The following HMG20A variants were observed in gnomAD, a reference collection of about 807,000 sequenced individuals.
HMG20A encodes the protein high mobility group 20A.
A neutral mutation model predicts 43.9 loss-of-function variants in HMG20A; 17 were observed. That is an observed-to-expected ratio of 0.39 (90% CI 0.27 to 0.58). The LOEUF (loss-of-function observed/expected upper bound fraction) is 0.58. Ranked by LOEUF, HMG20A falls within the 20% of genes least tolerant of loss-of-function variation. HMG20A has a pLI of 0.59. For missense variants in HMG20A, 341 were observed against 438.2 expected, an observed-to-expected ratio of 0.78 and a Z score of 1.98; for synonymous variants, 132 against 147.5, an observed-to-expected ratio of 0.89 and a Z score of 0.76.
rs1805746017 is a variant in HMG20A at position 77,484,096 on chromosome 15, A to G, written c.*1133A>G. 1 of 151,934 alleles carries G rather than the reference A, an allele frequency of 6.6e-6. No individual in the cohort carries two copies. Among genetic ancestry groups the G allele is most frequent in the Admixed American group, 6.6e-5 (1 of 15,246 alleles). 9.4% of individuals were successfully genotyped at this position (151,934 alleles called of 1,614,324 possible). A position where few individuals can be genotyped will look rare whatever the true frequency, so the allele number is the denominator to read the frequency against. ...TTCTTTAACAGCATAAGTAAAGAGGACTTTCTGGTTCATTTTTGTTTGTTT... is the reference window on the plus strand; with the variant it reads ...TTCTTTAACAGCATAAGTAAAGAGGGCTTTCTGGTTCATTTTTGTTTGTTT... On this transcript the variant is annotated 3_prime_UTR_variant, in exon 10 of 10. Transcript: ENST00000336216.
At chr15:77,463,786 G>A (rs536622884) in intron 2 of HMG20A, among the ~76,000 whole-genome samples, 4 of 152,322 alleles carry the variant, frequency 2.6e-5, no homozygotes, top group African/African-American at 7.2e-5. Context: ...GAAATGTACC[G>A]TTAAGAGATT....
intron 1 of HMG20A, among the ~76,000 whole-genome samples, chr15:77,437,245 A>G (rs2073559468): frequency 6.6e-6 from 1 of 152,134 alleles, no homozygotes; most frequent in Admixed American, 6.5e-5. Flanking sequence ...TTCATCTCCA[A>G]CTGTAGTTTT....
chr15:77,462,621 A>C (rs889519378), intron 2 of HMG20A, among the ~76,000 whole-genome samples: 58 of 150,960 alleles, frequency 3.8e-4, no homozygotes, highest in African/African-American at 1.3e-3. Flanking sequence ...ACACACACAC[A>C]CCCTGTTTTT....
At chr15:77,424,284 A>C (rs1388942532) in intron 1 of HMG20A, among the ~76,000 whole-genome samples, 1 of 152,314 alleles carries the variant, frequency 6.6e-6, no homozygotes, top group East Asian at 1.9e-4. Flanking sequence ...TACATGTATC[A>C]TTTTCCTACC....
chr15:77,457,684 G>A (rs2072667237), intron 1 of HMG20A, among the ~76,000 whole-genome samples: 1 of 152,096 alleles, frequency 6.6e-6, no homozygotes, highest in Non-Finnish European at 1.5e-5. Context: ...GTTGTTTCCT[G>A]TACCCAGGTG....
chr15:77,478,312 C>A lies in HMG20A; in HGVS notation c.709C>A (p.Arg237Ser). The change falls in exon 8 of 10, where the codon CGC becomes AGC. Residue 237 changes from arginine (R) to serine (S), a missense_variant. Physicochemically the swap from Arg to Ser is moderately radical, Grantham distance 110. This residue lies in a region of HMG20A where 118 missense variants were observed against 154.5 expected (regional missense o/e 0.76). Transcript: ENST00000336216. Reference sequence around the variant, plus strand: ...GTCCTCAGCTCGGGAAGCAGAGCTCCGCCAGCTTCGCAAATCCAACATGGA... The same window carrying A: ...GTCCTCAGCTCGGGAAGCAGAGCTCAGCCAGCTTCGCAAATCCAACATGGA... ...NHSKAREAEL[R>S]QLRKSNMEFE... is the part of the protein sequence containing the mutation. 1.2e-6 allele frequency: 2 copies of A among 1,613,348 alleles called. No homozygotes were observed. Among genetic ancestry groups the A allele is most frequent in the Non-Finnish European group, 1.7e-6 (2 of 1,180,006 alleles).
intron 3 of HMG20A, among the ~76,000 whole-genome samples, chr15:77,465,400 G>GTTTTTTTTT (rs71145838): frequency 7.3e-6 from 1 of 137,390 alleles, no homozygotes. Context: ...GTTGTTTTTT[G>GTTTTTTTTT]TTTTTTTTTT....
Position 77,467,175 on chromosome 15 carries a change from C to A in HMG20A, c.318C>A (p.Pro106=), listed in dbSNP as rs768848117. The change falls in exon 4 of 10, where the codon CCC becomes CCA. Residue 106 remains proline (P), a synonymous_variant. Transcript: ENST00000336216. ...GAGACAGCAATGCACCCAAATCCCC[C>A]CTTACAGGATATGTTCGGTTCATGA... ...PLRDSNAPKS[P]LTGYVRFMNE... is the part of the protein sequence containing the mutation. 6.8e-6 allele frequency: 11 copies of A among 1,613,938 alleles called. No homozygotes were observed. The highest frequency in any genetic ancestry group is 1.3e-5 in the African/African-American group (1 of 74,884).
chr15:77,445,066 G>GAT (rs1307005972), intron 1 of HMG20A, among the ~76,000 whole-genome samples: 4 of 152,226 alleles, frequency 2.6e-5, no homozygotes, highest in Non-Finnish European at 4.4e-5. Context: ...AAAACACTTT[G>GAT]ATGGGATTAG....
At chr15:77,499,532 C>CA in the HMG20A span, among the ~76,000 whole-genome samples, 2 of 152,090 alleles carry the variant, frequency 1.3e-5, no homozygotes, top group African/African-American at 4.8e-5. Flanking sequence ...AATGCTCCCC[C>CA]CCACACACAC....
intron 6 of HMG20A, among the ~76,000 whole-genome samples, 176 bp downstream of exon 6, chr15:77,471,990 G>T (rs988034007): frequency 1.3e-5 from 2 of 151,404 alleles, no homozygotes; most frequent in Admixed American, 1.3e-4. Context: ...CACTTACGTT[G>T]TGTGTCTGTC....
chr15:77,453,328 A>T (rs2072621785), intron 1 of HMG20A, among the ~76,000 whole-genome samples: 1 of 152,198 alleles, frequency 6.6e-6, no homozygotes, highest in Non-Finnish European at 1.5e-5. Flanking sequence ...CATAAGAAAA[A>T]ATGCTTAACA....
intron 1 of HMG20A, among the ~76,000 whole-genome samples, chr15:77,436,245 CCTTACCCGTTCAACACACACA>C (rs951437555): frequency 6.6e-6 from 1 of 152,090 alleles, no homozygotes; most frequent in Non-Finnish European, 1.5e-5. Context: ...TTACTAATCC[CCTTACCCGTTCAACACACACA>C]CTTACACACC....
chr15:77,499,184 G>A, the HMG20A span, among the ~76,000 whole-genome samples: 4 of 152,062 alleles, frequency 2.6e-5, no homozygotes, highest in African/African-American at 4.8e-5. Context: ...CTAAAATCCC[G>A]ACACTTAGGA....
chr15:77,458,758 A>G (rs1298297806), intron 2 of HMG20A, among the ~76,000 whole-genome samples: 3 of 152,264 alleles, frequency 2.0e-5, no homozygotes, highest in Non-Finnish European at 4.4e-5. Context: ...AGAAAATTAT[A>G]TAGTCACCAT....
intron 1 of HMG20A, among the ~76,000 whole-genome samples, chr15:77,457,044 T>C (rs570648345): frequency 2.2e-4 from 33 of 152,220 alleles, no homozygotes; most frequent in Non-Finnish European, 4.1e-4. Flanking sequence ...CCTACTGTAA[T>C]GGGTAATATT....
At chr15:77,434,536 A>G (rs1287294170) in intron 1 of HMG20A, among the ~76,000 whole-genome samples, 1 of 152,194 alleles carries the variant, frequency 6.6e-6, no homozygotes, top group Non-Finnish European at 1.5e-5. Flanking sequence ...ATAGGAAAAA[A>G]CAAATAATCA....
At chr15:77,495,951 C>T in the HMG20A span, among the ~76,000 whole-genome samples, 2 of 152,196 alleles carry the variant, frequency 1.3e-5, no homozygotes, top group Non-Finnish European at 2.9e-5. Context: ...TGCTGCCTCA[C>T]GTCCTGAACC....
chr15:77,425,292 C>G (rs930926383), intron 1 of HMG20A, among the ~76,000 whole-genome samples: 1 of 152,180 alleles, frequency 6.6e-6, no homozygotes, highest in South Asian at 2.1e-4. Flanking sequence ...TCTTATTCCA[C>G]TCTGTGCTGT....
Sources: allele counts gnomAD v4.1 joint callset (sites outside exome capture counted in the v4.1 genomes callset), GRCh38; gene constraint gnomAD v4.1.1; regional missense constraint gnomAD v4.1.1; transcripts MANE v1.5; gene names NCBI Gene and HGNC (gene_info 2026-07-23, HGNC 2026-07-21).